PLD1: variants seen among roughly 807,000 people sequenced by gnomAD.
PLD1 encodes the protein phospholipase D1, also known as choline phosphatase 1.
A neutral mutation model predicts 137.1 loss-of-function variants in PLD1; 112 were observed. The observed-to-expected ratio is 0.82, with a 90% CI of 0.70 to 0.96. The LOEUF is 0.96. Ranked by LOEUF, PLD1 falls within the 40% of genes least tolerant of loss-of-function variation. The probability of loss-of-function intolerance (pLI) is 0.00; values close to 1 mark genes in which losing one functional copy is unlikely to be tolerated. For synonymous variants in PLD1, 431 were observed against 454.7 expected (o/e 0.95, Z 0.66); for missense variants, 1,321 against 1,342.0 (o/e 0.98, Z 0.24).
At chr3:171,639,848 C>CTCTCTCTA (rs3050415) in intron 23 of PLD1, among the ~76,000 whole-genome samples, 4,731 of 109,864 alleles carry the variant, frequency 0.043, 124 homozygotes, top group East Asian at 0.075. Context: ...CTCTCTCTCT[C>CTCTCTCTA]TATATATATA....
At chr3:171,770,756 G>A (rs1722289718) in intron 1 of PLD1, among the ~76,000 whole-genome samples, 1 of 151,760 alleles carries the variant, frequency 6.6e-6, no homozygotes, top group Admixed American at 6.6e-5. Context: ...GGGTGCGGTG[G>A]CATGCACCTG....
intron 23 of PLD1, among the ~76,000 whole-genome samples, chr3:171,633,924 C>A (rs1734894273): frequency 6.6e-6 from 1 of 152,112 alleles, no homozygotes; most frequent in South Asian, 2.1e-4. Context: ...TGCTGGTTTT[C>A]TTTTCAGGAA....
At chr3:171,716,830 A>C (rs1338319544) in intron 8 of PLD1, among the ~76,000 whole-genome samples, 1 of 152,198 alleles carries the variant, frequency 6.6e-6, no homozygotes, top group Non-Finnish European at 1.5e-5. Flanking sequence ...TCCAATGTCC[A>C]GAATGGTATT....
intron 1 of PLD1, among the ~76,000 whole-genome samples, chr3:171,808,371 C>T (rs1208934207): frequency 6.6e-6 from 1 of 152,158 alleles, no homozygotes; most frequent in East Asian, 1.9e-4. Context: ...CCCGTCTCTA[C>T]TAAAAATACA....
At chr3:171,668,862 TA>T (rs567828911) in intron 19 of PLD1, among the ~76,000 whole-genome samples, 14 of 152,354 alleles carry the variant, frequency 9.2e-5, no homozygotes, top group Admixed American at 6.5e-4. Flanking sequence ...TAAATGCCAT[TA>T]AGACCATTCT....
chr3:171,729,586 G>C (rs1321893880), intron 6 of PLD1, among the ~76,000 whole-genome samples: 1 of 152,152 alleles, frequency 6.6e-6, no homozygotes, highest in Middle Eastern at 3.2e-3. Flanking sequence ...GAAGGTAAGA[G>C]CATTGAGTTG....
chr3:171,690,645 CT>C (rs1294263184), intron 13 of PLD1, among the ~76,000 whole-genome samples: 1 of 152,158 alleles, frequency 6.6e-6, no homozygotes, highest in Non-Finnish European at 1.5e-5. Flanking sequence ...AATTTGTGAA[CT>C]TTCTAGTTGT....
At chr3:171,763,647 T>C (rs1721595189) in intron 1 of PLD1, among the ~76,000 whole-genome samples, 1 of 152,042 alleles carries the variant, frequency 6.6e-6, no homozygotes, top group African/African-American at 2.4e-5. Flanking sequence ...TTTCCTCTGA[T>C]ATTATCTTTC....
intron 23 of PLD1, among the ~76,000 whole-genome samples, chr3:171,639,670 T>C (rs1387571799): frequency 8.2e-6 from 1 of 121,738 alleles, no homozygotes. Flanking sequence ...TCATATAATA[T>C]ATATTATATA....
chr3:171,662,857 C>G (rs1162392650), intron 19 of PLD1, among the ~76,000 whole-genome samples: 1 of 152,212 alleles, frequency 6.6e-6, no homozygotes, highest in African/African-American at 2.4e-5. Flanking sequence ...AACTGGGGCT[C>G]AGAGAAGCAA....
At chr3:171,638,930 C>T (rs1560169127) in intron 23 of PLD1, among the ~76,000 whole-genome samples, 1 of 152,040 alleles carries the variant, frequency 6.6e-6, no homozygotes, top group Non-Finnish European at 1.5e-5. Context: ...AGAATTCATG[C>T]CTTTTGATTC....
intron 21 of PLD1, among the ~76,000 whole-genome samples, chr3:171,647,736 C>T (rs762968318): frequency 4.6e-5 from 7 of 152,118 alleles, no homozygotes; most frequent in African/African-American, 9.7e-5. Context: ...TGAGCCACCG[C>T]GCCCAGCCCC....
chr3:171,795,333 A>G (rs1723390246), intron 1 of PLD1, among the ~76,000 whole-genome samples: 1 of 151,922 alleles, frequency 6.6e-6, no homozygotes, highest in African/African-American at 2.4e-5. Context: ...AAACATGGAT[A>G]AAAGCTTCTC....
At chr3:171,808,196 C>T (rs1723933949) in intron 1 of PLD1, among the ~76,000 whole-genome samples, 2 of 151,982 alleles carry the variant, frequency 1.3e-5, no homozygotes, top group South Asian at 4.1e-4. Context: ...TGTAACAAAC[C>T]TGCACATGTA....
At chr3:171,639,504 T>G (rs1430631388) in intron 23 of PLD1, among the ~76,000 whole-genome samples, 1 of 112,020 alleles carries the variant, frequency 8.9e-6, no homozygotes, top group African/African-American at 3.8e-5. Flanking sequence ...ATTTAATACA[T>G]AATAAATAAT....
At chr3:171,730,596 T>G (rs1322107738) in intron 6 of PLD1, among the ~76,000 whole-genome samples, 1 of 151,698 alleles carries the variant, frequency 6.6e-6, no homozygotes, top group East Asian at 1.9e-4. Flanking sequence ...ACCAAATTCC[T>G]TTGGGGAAAA....
At chr3:171,809,602 T>C (rs1432084791) in intron 1 of PLD1, 1 of 152,200 alleles carries the variant, frequency 6.6e-6, no homozygotes, top group South Asian at 2.1e-4. Flanking sequence ...TAGTATTTAG[T>C]GCTTCACAGA....
At chr3:171,605,744 G>T (rs755489159) in intron 25 of PLD1, among the ~76,000 whole-genome samples, 7 of 152,184 alleles carry the variant, frequency 4.6e-5, no homozygotes, top group Non-Finnish European at 8.8e-5. Context: ...AATCCTGTGT[G>T]GTAGGCGGGA....
At chr3:171,661,312 T>A (rs993188195) in intron 20 of PLD1, among the ~76,000 whole-genome samples, 1 of 152,172 alleles carries the variant, frequency 6.6e-6, no homozygotes, top group South Asian at 2.1e-4. Flanking sequence ...TTCCCCTATC[T>A]ACCTTTAAAA....
Sources: allele counts gnomAD v4.1 joint callset (sites outside exome capture counted in the v4.1 genomes callset), GRCh38; gene constraint gnomAD v4.1.1; transcripts MANE v1.5; gene names NCBI Gene and HGNC (gene_info 2026-07-23, HGNC 2026-07-21).